UPP2: variants seen among roughly 807,000 people sequenced by gnomAD.
UPP2 encodes uridine phosphorylase 2.
UPP2 carries 23 observed loss-of-function variants against 26.7 expected under a neutral mutation model. The observed-to-expected ratio is 0.86, with a 90% CI of 0.62 to 1.22. The LOEUF (loss-of-function observed/expected upper bound fraction) is 1.22, where lower values mean the gene tolerates loss of function less well. Among genes scored for constraint, UPP2 ranks in the 50% most tolerant of loss-of-function variants. The pLI, the probability that UPP2 is intolerant of heterozygous loss-of-function variation, is 0.00. For missense variants in UPP2, 387 were observed against 396.7 expected (o/e 0.98, Z 0.21); for synonymous variants, 127 against 141.3 (o/e 0.90, Z 0.72).
chr2:158,069,869 T>C (rs1682510289), intron 3 of UPP2, among the ~76,000 whole-genome samples: 1 of 152,162 alleles, frequency 6.6e-6, no homozygotes, highest in African/African-American at 2.4e-5. Flanking sequence ...GCATGGTCAG[T>C]TCCTAGTAAA....
intron 3 of UPP2, among the ~76,000 whole-genome samples, chr2:158,056,926 C>T (rs1049501256): frequency 9.9e-5 from 15 of 152,154 alleles, no homozygotes; most frequent in African/African-American, 3.1e-4. Flanking sequence ...TCTCTTTAGG[C>T]TTTGCTTGGC....
chr2:158,051,520 C>T (rs1440542208), intron 3 of UPP2, among the ~76,000 whole-genome samples: 1 of 152,100 alleles, frequency 6.6e-6, no homozygotes, highest in Non-Finnish European at 1.5e-5. Flanking sequence ...CGGTGGCTCA[C>T]GCCTGTAATC....
At chr2:158,082,321 T>C (rs1039361913) in intron 3 of UPP2, among the ~76,000 whole-genome samples, 1 of 152,178 alleles carries the variant, frequency 6.6e-6, no homozygotes, top group African/African-American at 2.4e-5. Flanking sequence ...GCAGTATACA[T>C]TGTACCCAAC....
intron 2 of UPP2, among the ~76,000 whole-genome samples, chr2:157,999,282 G>A (rs376229176): frequency 6.8e-4 from 103 of 152,216 alleles, no homozygotes; most frequent in Middle Eastern, 3.4e-3. Context: ...GGGCTCAAGC[G>A]ATTCTTCTGC....
chr2:158,056,056 C>T (rs1045254378), intron 3 of UPP2, among the ~76,000 whole-genome samples: 1 of 152,144 alleles, frequency 6.6e-6, no homozygotes, highest in Non-Finnish European at 1.5e-5. Context: ...AGGATGATCG[C>T]TTTCTGTGGA....
At chr2:158,057,756 C>A (rs1011173209) in intron 3 of UPP2, among the ~76,000 whole-genome samples, 5 of 142,170 alleles carry the variant, frequency 3.5e-5, no homozygotes, top group African/African-American at 1.3e-4. Context: ...TTTTTAACTT[C>A]TTTTTTTGTT....
chr2:158,008,570 T>C lies in UPP2; in HGVS notation c.62-7231T>C, dbSNP rs567144291. Among the ~76,000 whole-genome samples, 4 of 152,330 alleles carry C rather than the reference T, an allele frequency of 2.6e-5. No homozygotes were observed. In the South Asian group the frequency reaches 8.3e-4, roughly 32 times the overall value. On this transcript the variant is annotated intron_variant, in intron 2 of 9. Coordinates refer to the UPP2 transcript ENST00000605860. ...CAATGAAATGGGTATCCCGTTTCCC[T>C]AAAGCTAATGACTTTCTAAAGCACT...
At chr2:158,087,991 C>T (rs960888037) in intron 3 of UPP2, among the ~76,000 whole-genome samples, 1 of 152,082 alleles carries the variant, frequency 6.6e-6, no homozygotes, top group Non-Finnish European at 1.5e-5. Context: ...ATAAATTTCC[C>T]AAATGTTCTT....
intron 3 of UPP2, among the ~76,000 whole-genome samples, chr2:158,035,083 C>A (rs1683979135): frequency 6.6e-6 from 1 of 152,008 alleles, no homozygotes; most frequent in African/African-American, 2.4e-5. Flanking sequence ...ATTGCATTTT[C>A]AGGTACAGTG....
chr2:158,060,295 T>G (rs920484036), intron 3 of UPP2, among the ~76,000 whole-genome samples: 37 of 152,132 alleles, frequency 2.4e-4, no homozygotes, highest in African/African-American at 8.4e-4. Context: ...ATCTCTACAA[T>G]AGGTCTAGTA....
chr2:158,075,240 C>T (rs575772897), intron 3 of UPP2, among the ~76,000 whole-genome samples: 133 of 152,090 alleles, frequency 8.7e-4, no homozygotes, highest in African/African-American at 3.1e-3. Context: ...AACAAAGAAA[C>T]ATTGGATTTA....
intron 3 of UPP2, among the ~76,000 whole-genome samples, chr2:158,039,456 C>A (rs868542541): frequency 2.0e-5 from 3 of 152,202 alleles, no homozygotes; most frequent in South Asian, 4.1e-4. Context: ...TTATAACCAA[C>A]CTTTTATGAA....
rs1311521275 is a variant in UPP2, at chr2:158,135,736, G to A, written c.*846G>A. On this transcript the variant is annotated 3_prime_UTR_variant, in exon 7 of 7. Transcript: ENST00000005756. ...TCCTTTTGTATGACTTGTCCAGACC[G>A]GCCTATTGCCCTACCCGTTTGATTC... 2.0e-5 allele frequency: 3 copies of A among 152,102 alleles called. No individual in the cohort carries two copies. The highest frequency in any genetic ancestry group is 6.5e-5 in the Admixed American group (1 of 15,270). 9.4% of individuals were successfully genotyped at this position (152,102 alleles called of 1,614,324 possible). A position where few individuals can be genotyped will look rare whatever the true frequency, so the allele number is the denominator to read the frequency against.
chr2:158,053,502 G>A (rs992806492), intron 3 of UPP2, among the ~76,000 whole-genome samples: 4 of 152,162 alleles, frequency 2.6e-5, no homozygotes, highest in African/African-American at 7.2e-5. Flanking sequence ...CATATTGCTT[G>A]TATCTTGTAC....
At chr2:158,023,947 G>T (rs1382569161) in intron 3 of UPP2, among the ~76,000 whole-genome samples, 2 of 152,204 alleles carry the variant, frequency 1.3e-5, no homozygotes, top group Non-Finnish European at 2.9e-5. Flanking sequence ...GCCCAAGGGA[G>T]ATTGCCTGCG....
chr2:157,996,906 C>T (rs973878579), intron 2 of UPP2, among the ~76,000 whole-genome samples: 14 of 152,186 alleles, frequency 9.2e-5, no homozygotes, highest in Admixed American at 3.3e-4. Context: ...TTCAGTAATG[C>T]TAATAAAGTA....
intron 3 of UPP2, among the ~76,000 whole-genome samples, chr2:158,069,099 ACT>A (rs2105185479): frequency 6.6e-6 from 1 of 151,572 alleles, no homozygotes; most frequent in African/African-American, 2.4e-5. Context: ...GCACGATCAA[ACT>A]CAAAATTTTA....
At chr2:158,094,184 G>A (rs1682953232) in intron 3 of UPP2, among the ~76,000 whole-genome samples, 2 of 151,982 alleles carry the variant, frequency 1.3e-5, no homozygotes, top group South Asian at 2.1e-4. Flanking sequence ...CCTTCAGGAA[G>A]AAAGTGAAGG....
chr2:158,048,603 C>G (rs1489425986), intron 3 of UPP2, among the ~76,000 whole-genome samples: 1 of 152,202 alleles, frequency 6.6e-6, no homozygotes, highest in Non-Finnish European at 1.5e-5. Context: ...GACTATGTCT[C>G]AAACAACACT....
Sources: gnomAD v4.1 joint callset for allele counts (sites outside exome capture counted in the v4.1 genomes callset) on GRCh38, gnomAD v4.1.1 for gene constraint, MANE v1.5 for transcripts, NCBI Gene and HGNC (gene_info 2026-07-23, HGNC 2026-07-21) for gene names.